Variants in MDN1 observed in about 807,000 individuals in gnomAD.
MDN1 encodes midasin AAA ATPase 1.
A neutral mutation model predicts 669.2 loss-of-function variants in MDN1; 266 were observed. That is an observed-to-expected ratio of 0.40 (90% CI 0.36 to 0.44). The LOEUF (loss-of-function observed/expected upper bound fraction) is 0.44. Ranked by LOEUF, MDN1 falls within the 20% of genes least tolerant of loss-of-function variation. MDN1 has a pLI of 1.00. For synonymous variants in MDN1, 2,385 were observed against 2,457.1 expected (o/e 0.97, Z 0.87); for missense variants, 5,940 against 6,754.0 (o/e 0.88, Z 4.22).
intron 1 of MDN1, among the ~76,000 whole-genome samples, chr6:89,804,038 C>T (rs1767857431): frequency 6.6e-6 from 1 of 151,050 alleles, no homozygotes; most frequent in African/African-American, 2.4e-5. Flanking sequence ...GCTGGGATTA[C>T]AGGCACCCAC....
chr6:89,736,220 TCTG>T (rs1309933368), intron 33 of MDN1, among the ~76,000 whole-genome samples: 2 of 152,176 alleles, frequency 1.3e-5, no homozygotes, highest in East Asian at 3.9e-4. Flanking sequence ...CCCTGGGAAG[TCTG>T]CTGCTGTGTA....
rs775102180 is a variant in MDN1, at chr6:89,801,179, C to T, written c.329+2149G>A. 6.6e-5 allele frequency among the ~76,000 whole-genome samples: 10 copies of T among 151,754 alleles called. No individual in the cohort carries two copies. In the South Asian group the frequency reaches 1.0e-3, roughly 16 times the overall value. On this transcript the variant is annotated intron_variant, in intron 2 of 101. Coordinates refer to ENST00000369393, the MANE Select transcript of MDN1 (RefSeq NM_014611.3). Reference sequence around the variant, plus strand: ...GGGAGGCCAAGGCGGGCAGATCACCCGAGGTCAGGAATTCAAGACCAGCCT... The same window carrying T: ...GGGAGGCCAAGGCGGGCAGATCACCTGAGGTCAGGAATTCAAGACCAGCCT...
chr6:89,686,011 C>A (rs373423279), intron 69 of MDN1, 38 bp from the exon 70 acceptor site: 1 of 1,593,748 alleles, frequency 6.3e-7, no homozygotes, highest in Non-Finnish European at 8.6e-7. Context: ...TATGTTCCTT[C>A]GACCATGACT....
intron 1 of MDN1, chr6:89,815,143 C>T (rs1768732018): frequency 2.6e-6 from 1 of 383,774 alleles, no homozygotes; most frequent in Non-Finnish European, 5.1e-6. Context: ...CTACAGACCC[C>T]TGTGCATCAC....
intron 82 of MDN1, 85 bp from the exon 83 acceptor site, chr6:89,671,165 T>C (rs1810726310): frequency 2.8e-6 from 4 of 1,413,054 alleles, no homozygotes; most frequent in East Asian, 4.8e-5. Flanking sequence ...GTGGTGGTAA[T>C]TGCACAACAT....
At chr6:89,673,950 C>G (rs73752802) in intron 79 of MDN1, among the ~76,000 whole-genome samples, 154 bp downstream of exon 79, 6,423 of 150,400 alleles carry the variant, frequency 0.043, 451 homozygotes, top group African/African-American at 0.15. Context: ...ATCCCCACCC[C>G]ACCCCATCCC....
In MDN1 at chr6:89,723,609, T is replaced by A; in HGVS notation, c.5681A>T (p.Asp1894Val). 1 of 1,561,694 alleles carries A rather than the reference T, an allele frequency of 6.4e-7. No homozygotes were observed. The highest frequency in any genetic ancestry group is 8.7e-7 in the Non-Finnish European group (1 of 1,151,680). ...CTCCATGTCAATTACTGTAAGGGGA[T>A]CAACGAAGACCTAGAAATCCAAAAA... ...FLNRFTQVFV[D>V]PLTVIDMEFI... Residue 1894 changes from aspartate (D) to valine (V), a missense_variant, in exon 39 of 102, where the codon GAT (aspartate) becomes GTT (valine). By Grantham distance (152) the Asp-to-Val change is radical. Around this residue, in one of 5 missense-constraint regions of MDN1, gnomAD observed 2,292 missense variants for 2,638.3 expected, o/e 0.87. Transcript: ENST00000369393.
intron 19 of MDN1, 92 bp downstream of exon 19, chr6:89,758,163 G>T: frequency 1.0e-6 from 1 of 990,692 alleles, no homozygotes; most frequent in Non-Finnish European, 1.5e-6. Flanking sequence ...GGGACTTGCA[G>T]TGAGCCAAGA....
chr6:89,797,485 G>C (rs1819670658), intron 2 of MDN1: 1 of 234,678 alleles, frequency 4.3e-6, no homozygotes, highest in Non-Finnish European at 8.5e-6. Flanking sequence ...CTCTGATAAA[G>C]GTATGTGGTT....
At chr6:89,664,763 G>T in intron 84 of MDN1, 135 bp from the exon 85 acceptor site, 2 of 642,612 alleles carry the variant, frequency 3.1e-6, no homozygotes, top group Non-Finnish European at 5.0e-6. Flanking sequence ...AACAGAGACA[G>T]CCACATGGAA....
At chr6:89,732,897 G>A in intron 33 of MDN1, 122 bp from the exon 34 acceptor site, 1 of 753,892 alleles carries the variant, frequency 1.3e-6, no homozygotes, top group Non-Finnish European at 2.1e-6. Context: ...AAAGTTCTGT[G>A]AATGAATGTA....
In MDN1 at chr6:89,790,318, C is replaced by G. The variant is rs1051691248; in HGVS notation, c.939G>C (p.Gln313His). 1.9e-6 allele frequency: 3 copies of G among 1,614,016 alleles called. No individual in the cohort carries two copies. Among genetic ancestry groups the G allele is most frequent in the Non-Finnish European group, 2.5e-6 (3 of 1,180,036 alleles). The change falls in exon 6 of 102, where the codon CAG becomes CAC. Residue 313 changes from glutamine (Q) to histidine (H), a missense_variant. Gln to His is a conservative substitution (Grantham distance 24). Transcript: ENST00000369393. ...VLVESVCKSLQTLAMAVASQN... is the reference protein window; with the variant it reads ...VLVESVCKSLHTLAMAVASQN... Reference sequence around the variant, plus strand: ...GAGAAGCAACCGCCATAGCCAGGGTCTGAAGACTTTTGCAGACAGACTCAA... The same window carrying G: ...GAGAAGCAACCGCCATAGCCAGGGTGTGAAGACTTTTGCAGACAGACTCAA...
intron 43 of MDN1, among the ~76,000 whole-genome samples, chr6:89,717,748 G>A (rs1474444386): frequency 1.3e-5 from 2 of 152,156 alleles, no homozygotes; most frequent in African/African-American, 4.8e-5. Context: ...ATGTTTGCTG[G>A]CCAAGAAGTG....
chr6:89,679,184 T>C (rs1584165975), intron 74 of MDN1, among the ~76,000 whole-genome samples: 1 of 152,236 alleles, frequency 6.6e-6, no homozygotes, highest in African/African-American at 2.4e-5. Context: ...TCTCTTTTCA[T>C]GTGCACAACT....
chr6:89,658,982 G>A, intron 88 of MDN1, 65 bp from the exon 89 acceptor site: 2 of 1,450,342 alleles, frequency 1.4e-6, no homozygotes, highest in Non-Finnish European at 9.3e-7. Flanking sequence ...TCTTAAGCTG[G>A]GAGCTACTTA....
intron 5 of MDN1, among the ~76,000 whole-genome samples, chr6:89,792,097 T>A (rs1382003836): frequency 6.6e-6 from 1 of 152,018 alleles, no homozygotes; most frequent in Non-Finnish European, 1.5e-5. Context: ...CTCGATCTCC[T>A]GACCTCGTGA....
At chr6:89,657,490 T>C (rs1167022871) in intron 90 of MDN1, among the ~76,000 whole-genome samples, 1 of 152,184 alleles carries the variant, frequency 6.6e-6, no homozygotes, top group Non-Finnish European at 1.5e-5. Flanking sequence ...GAAAAAGTTA[T>C]CTGCTTTTTA....
chr6:89,805,322 C>A (rs1054901356), intron 1 of MDN1, among the ~76,000 whole-genome samples: 1 of 152,048 alleles, frequency 6.6e-6, no homozygotes, highest in African/African-American at 2.4e-5. Flanking sequence ...CAGACAGATC[C>A]CTTAAGCCGA....
At position 89,784,906 on chromosome 6, in the gene MDN1, C is replaced by T. The variant is rs1485820998; in HGVS notation, c.1449+106G>A. The T allele has an allele frequency of 6.9e-6, 5 of 728,032 alleles. No individual in the cohort carries two copies. In the African/African-American group the frequency reaches 8.9e-5, roughly 13 times the overall value. The allele number at this position is 728,032 out of a possible 1,614,324, so 45.1% of individuals were successfully genotyped here. On this transcript the variant is annotated intron_variant, in intron 9 of 101. Coordinates refer to ENST00000369393, the MANE Select transcript of MDN1 (RefSeq NM_014611.3). ...CAGTAAAATACTAGCACACAGACTGCAAAATTTAGGTTGATGAGGGTTCTG... is the reference window on the plus strand; with the variant it reads ...CAGTAAAATACTAGCACACAGACTGTAAAATTTAGGTTGATGAGGGTTCTG...
Sources: allele counts gnomAD v4.1 joint callset (sites outside exome capture counted in the v4.1 genomes callset), GRCh38; gene constraint gnomAD v4.1.1; regional missense constraint gnomAD v4.1.1; transcripts MANE v1.5; gene names NCBI Gene and HGNC (gene_info 2026-07-23, HGNC 2026-07-21).